The following SLC25A29 variants were observed in gnomAD, a reference collection of about 807,000 sequenced individuals.
SLC25A29 encodes the protein mitochondrial basic amino acids transporter.
In SLC25A29, 13 loss-of-function variants were observed where a neutral mutation model predicts 10.0. The observed-to-expected ratio is 1.30, with a 90% CI of 0.85 to 2.07. The LOEUF is 2.07. SLC25A29 is among the 30% of genes most tolerant of loss of function. The pLI is 0.00. For missense variants in SLC25A29, 475 were observed against 447.6 expected (o/e 1.06, Z -0.55); for synonymous variants, 244 against 221.1 (o/e 1.10, Z -0.92).
At chr14:100,298,962 G>A (rs2139751558) in intron 1 of SLC25A29, 77 bp from the exon 2 acceptor site, 1 of 1,575,996 alleles carries the variant, frequency 6.3e-7, no homozygotes, top group Non-Finnish European at 8.7e-7. Flanking sequence ...AGGGGGTTCT[G>A]ACAAGGAAGA....
intron 1 of SLC25A29, among the ~76,000 whole-genome samples, chr14:100,303,874 T>C (rs1892729366): frequency 1.3e-5 from 2 of 152,016 alleles, no homozygotes; most frequent in African/African-American, 4.8e-5. Flanking sequence ...GGGTTACCTC[T>C]CCTCCCGGGT....
chr14:100,288,098 G>T (rs1891581381), downstream of SLC25A29, among the ~76,000 whole-genome samples: 1 of 152,114 alleles, frequency 6.6e-6, no homozygotes, highest in African/African-American at 2.4e-5. Context: ...AAGACAGTCT[G>T]GGGGCCAGGC....
intron 1 of SLC25A29, chr14:100,305,511 G>A (rs566178110): frequency 6.6e-6 from 1 of 152,420 alleles, no homozygotes; most frequent in East Asian, 1.9e-4. Flanking sequence ...GTCGGGGCAT[G>A]GGAGAGCCTG....
At chr14:100,296,622 G>T (rs893553566) in intron 2 of SLC25A29, 1 of 152,272 alleles carries the variant, frequency 6.6e-6, no homozygotes, top group Non-Finnish European at 1.5e-5. Context: ...TTTTTGAGAC[G>T]GAGTCTCATT....
Position 100,295,614 on chromosome 14 carries a change from G to A in SLC25A29, c.79-2237C>T, listed in dbSNP as rs1050187118. On this transcript the variant is annotated intron_variant, in intron 2 of 3. Transcript: ENST00000359232. The stretch of plus-strand genomic sequence containing the variant: ...TCCAGGCTGGGATCTGGTTCACCTG[G>A]TCTGTACTTACTAGCGCTCTCCAGG... 1.0e-5 allele frequency: 13 copies of A among 1,289,038 alleles called. No homozygotes were observed. The African/African-American group carries it at 2.0e-4, about 20-fold the overall frequency. The allele number at this position is 1,289,038 out of a possible 1,614,324, so 79.9% of individuals were successfully genotyped here.
Position 100,292,797 on chromosome 14 carries a change from C to T in SLC25A29, c.398G>A (p.Gly133Asp). ...GATCTGCGCGAGGCAGTCCAGCGAG[C>T]CCTTGTAGGTGCGCGCTGGGCCCGC... The part of the protein sequence containing the change: ...QDAGPARTYK[G>D]SLDCLAQIYG... The change falls in exon 4 of 4, where the codon GGC becomes GAC. Residue 133 changes from glycine to aspartate, a missense_variant. Transcript: ENST00000359232. 6.3e-7 allele frequency: 1 copy of T among 1,594,826 alleles called. No individual in the cohort carries two copies. The highest frequency in any genetic ancestry group is 8.5e-7 in the Non-Finnish European group (1 of 1,172,624).
At chr14:100,285,142 G>A in the SLC25A29 span, among the ~76,000 whole-genome samples, 1 of 151,980 alleles carries the variant, frequency 6.6e-6, no homozygotes, top group Non-Finnish European at 1.5e-5. Context: ...TTCTTGGCCT[G>A]CCACGTGCGT....
chr14:100,284,552 T>C, the SLC25A29 span, among the ~76,000 whole-genome samples: 5 of 152,338 alleles, frequency 3.3e-5, no homozygotes, highest in East Asian at 9.7e-4. Flanking sequence ...TTTTCAGCCT[T>C]TCCTAATGGA....
At chr14:100,303,992 G>A (rs568362032) in intron 1 of SLC25A29, among the ~76,000 whole-genome samples, 2 of 152,298 alleles carry the variant, frequency 1.3e-5, no homozygotes, top group East Asian at 1.9e-4. Context: ...AGGGGAGAGG[G>A]GGAGGCATTC....
intron 1 of SLC25A29, chr14:100,299,981 T>G (rs749465513): frequency 3.2e-5 from 32 of 985,234 alleles, no homozygotes; most frequent in Admixed American, 2.5e-4. Context: ...CTTTAATACT[T>G]TGGACCTGGC....
chr14:100,293,139 A>G, intron 3 of SLC25A29, 107 bp from the exon 4 acceptor site: 1 of 1,453,764 alleles, frequency 6.9e-7, no homozygotes, highest in Non-Finnish European at 9.1e-7. Flanking sequence ...GGGGCTCCTG[A>G]GGACCAAGCA....
At chr14:100,281,655 AC>A in the SLC25A29 span, 1 of 152,136 alleles carries the variant, frequency 6.6e-6, no homozygotes, top group East Asian at 1.9e-4. Context: ...GACAAAAGGT[AC>A]CCCACGCCTT....
rs762257836 is a variant in SLC25A29 at position 100,292,963 on chromosome 14, C to T, written c.232G>A (p.Gly78Arg). The part of the protein sequence containing the change: ...GLTFINALVF[G>R]VQGNTLRALG... ...GCCCGGAGGGTGTTGCCCTGCACCCCGAACACCAGCGCGTTGATGAAGGTG... is the reference window on the plus strand; with the variant it reads ...GCCCGGAGGGTGTTGCCCTGCACCCTGAACACCAGCGCGTTGATGAAGGTG... The change falls in exon 4 of 4, where the codon GGG becomes AGG. Residue 78 changes from glycine to arginine, a missense_variant. Coordinates refer to ENST00000359232, the MANE Select transcript of SLC25A29 (RefSeq NM_001039355.3). 8.1e-6 allele frequency: 13 copies of T among 1,601,522 alleles called. No individual in the cohort carries two copies. The South Asian group carries it at 1.0e-4, about 12-fold the overall frequency.
intron 1 of SLC25A29, chr14:100,299,332 G>C: frequency 9.8e-7 from 1 of 1,023,456 alleles, no homozygotes; most frequent in South Asian, 3.5e-5. Context: ...CATCAGCCTG[G>C]CGTGCTCACA....
downstream of SLC25A29, among the ~76,000 whole-genome samples, chr14:100,290,628 T>C (rs1344879170): frequency 6.6e-6 from 1 of 152,104 alleles, no homozygotes; most frequent in Non-Finnish European, 1.5e-5. Context: ...GCAGGTGAGG[T>C]GGGCAGTGAG....
the SLC25A29 span, among the ~76,000 whole-genome samples, chr14:100,284,337 T>C: frequency 6.6e-6 from 1 of 152,200 alleles, no homozygotes; most frequent in Admixed American, 6.5e-5. Context: ...TCTGGCGCAG[T>C]GGTGCCTCCT....
At chr14:100,298,594 G>A in intron 2 of SLC25A29, 1 of 582,036 alleles carries the variant, frequency 1.7e-6, no homozygotes, top group Non-Finnish European at 3.1e-6. Context: ...GCTCTGGGTG[G>A]GAGAAAACCT....
At chr14:100,303,368 T>A (rs1892687916) in intron 1 of SLC25A29, among the ~76,000 whole-genome samples, 1 of 152,176 alleles carries the variant, frequency 6.6e-6, no homozygotes, top group South Asian at 2.1e-4. Flanking sequence ...TGTGGGTGCA[T>A]GGTCACGCCT....
chr14:100,293,297 C>G lies in SLC25A29; in HGVS notation c.159G>C (p.Glu53Asp), dbSNP rs768590052. 4 of 1,613,220 alleles carry G rather than the reference C, an allele frequency of 2.5e-6. No individual in the cohort carries two copies. The highest frequency in any genetic ancestry group is 3.4e-6 in the Non-Finnish European group (4 of 1,179,960). ...LHCFKSIIKQESVLGLYKGLG... is the reference protein window; with the variant it reads ...LHCFKSIIKQDSVLGLYKGLG... ...CCCACCAGCCCAGGCCACTCACGCT[C>G]TCTTGCTTGATGATGGACTTGAAGC... The change falls in exon 3 of 4, where the codon GAG (glutamate) becomes GAC (aspartate). Residue 53 changes from glutamate (E) to aspartate (D), a missense_variant. By Grantham distance (45) the Glu-to-Asp change is conservative. Transcript: ENST00000359232.
Sources: gnomAD v4.1 joint callset for allele counts (sites outside exome capture counted in the v4.1 genomes callset) on GRCh38, gnomAD v4.1.1 for gene constraint, MANE v1.5 for transcripts, NCBI Gene and HGNC (gene_info 2026-07-23, HGNC 2026-07-21) for gene names.